DPP6: variants seen among roughly 807,000 people sequenced by gnomAD.
DPP6 encodes dipeptidyl peptidase like 6.
In DPP6, 69 loss-of-function variants were observed where a neutral mutation model predicts 122.6. The ratio of observed to expected loss-of-function variants is 0.56; its 90% confidence interval spans 0.46 to 0.69. The LOEUF is 0.69. DPP6 is among the 30% of genes least tolerant of loss of function. DPP6 has a pLI of 0.00. For synonymous variants in DPP6, 418 were observed against 433.1 expected (o/e 0.97, Z 0.43); for missense variants, 928 against 1,116.9 (o/e 0.83, Z 2.41).
chr7:154,805,063 CAA>C, intron 15 of DPP6, 99 bp downstream of exon 15: 1 of 1,464,592 alleles, frequency 6.8e-7, no homozygotes, highest in Non-Finnish European at 9.2e-7. Context: ...AGGGCGGCAG[CAA>C]AGACAGACCC....
chr7:154,027,724 T>C (rs1476172077), intron 1 of DPP6, among the ~76,000 whole-genome samples: 1 of 151,738 alleles, frequency 6.6e-6, no homozygotes, highest in African/African-American at 2.4e-5. Context: ...TCTTATTTGT[T>C]CTCCCTGCTT....
At chr7:154,065,449 C>T (rs150366969) in intron 1 of DPP6, among the ~76,000 whole-genome samples, 1 of 151,564 alleles carries the variant, frequency 6.6e-6, no homozygotes, top group Non-Finnish European at 1.5e-5. Context: ...GCATTCCCCC[C>T]AGTAAGAACA....
intron 2 of DPP6, among the ~76,000 whole-genome samples, chr7:154,451,155 G>C (rs1820332156): frequency 6.6e-6 from 1 of 152,014 alleles, no homozygotes; most frequent in Non-Finnish European, 1.5e-5. Flanking sequence ...GAGGTCAGGA[G>C]ATCGAGACCA....
At chr7:154,516,815 A>G (rs1175728601) in intron 3 of DPP6, among the ~76,000 whole-genome samples, 1 of 152,160 alleles carries the variant, frequency 6.6e-6, no homozygotes, top group Non-Finnish European at 1.5e-5. Context: ...GCCTCACTGA[A>G]AGGACTCAGG....
intron 16 of DPP6, among the ~76,000 whole-genome samples, chr7:154,808,491 T>A (rs894411452): frequency 6.6e-6 from 1 of 152,048 alleles, no homozygotes; most frequent in African/African-American, 2.4e-5. Flanking sequence ...CCACCAAGTA[T>A]CTGAAATCAT....
intron 7 of DPP6, among the ~76,000 whole-genome samples, chr7:154,674,180 A>C (rs967917959): frequency 1.3e-5 from 2 of 152,012 alleles, no homozygotes; most frequent in South Asian, 2.1e-4. Context: ...CCGGCCATCC[A>C]TGTTTCTTTT....
intron 16 of DPP6, among the ~76,000 whole-genome samples, chr7:154,812,390 T>C (rs1799121570): frequency 6.6e-6 from 1 of 152,244 alleles, no homozygotes; most frequent in Non-Finnish European, 1.5e-5. Context: ...TTTGGGCTGC[T>C]ATAGTGAAGT....
chr7:153,814,378 C>G, the DPP6 span, among the ~76,000 whole-genome samples: 4 of 88,362 alleles, frequency 4.5e-5, no homozygotes, highest in African/African-American at 2.7e-4. Context: ...AATTCCTCAA[C>G]ACATACACCC....
chr7:154,212,146 G>T (rs906305293), intron 1 of DPP6, among the ~76,000 whole-genome samples: 1 of 152,122 alleles, frequency 6.6e-6, no homozygotes, highest in African/African-American at 2.4e-5. Context: ...TCACTCCCAT[G>T]CCTGCCTCTT....
intron 4 of DPP6, among the ~76,000 whole-genome samples, chr7:154,552,208 C>T (rs905543762): frequency 6.6e-6 from 1 of 152,176 alleles, no homozygotes; most frequent in African/African-American, 2.4e-5. Context: ...TGCTTTCCAT[C>T]GTGATTGTTT....
At chr7:154,777,348 C>T (rs1204964824) in intron 10 of DPP6, among the ~76,000 whole-genome samples, 2 of 152,158 alleles carry the variant, frequency 1.3e-5, no homozygotes, top group Non-Finnish European at 2.9e-5. Flanking sequence ...TGGAGGCCCT[C>T]TTGGGAAACG....
At chr7:154,062,636 C>A (rs1312209614) in intron 1 of DPP6, among the ~76,000 whole-genome samples, 1 of 49,880 alleles carries the variant, frequency 2.0e-5, no homozygotes, top group Non-Finnish European at 3.5e-5. Context: ...CTCTTAGGAC[C>A]CCCATCGCAG....
In DPP6 at chr7:154,868,036, A is replaced by T; in HGVS notation, c.1756A>T (p.Ile586Leu). Residue 586 changes from isoleucine (I) to leucine (L), a missense_variant, in exon 18 of 26, where the codon ATA (isoleucine) becomes TTA (leucine). Ile to Leu is a conservative substitution (Grantham distance 5). Transcript: ENST00000377770. Reference sequence around the variant, plus strand: ...AACAAATGAACATGTCAAGAAGGCCATAAATGACCGACAGATGCCTAAAGT... The same window carrying T: ...AACAAATGAACATGTCAAGAAGGCCTTAAATGACCGACAGATGCCTAAAGT... ...LETNEHVKKA[I>L]NDRQMPKVEY... 8 of 1,609,134 alleles carry T rather than the reference A, an allele frequency of 5.0e-6. No homozygotes were observed. The highest frequency in any genetic ancestry group is 6.8e-6 in the Non-Finnish European group (8 of 1,177,884).
At chr7:154,095,885 G>A (rs1447838550) in intron 1 of DPP6, 2 of 138,970 alleles carry the variant, frequency 1.4e-5, no homozygotes, top group African/African-American at 5.4e-5. Context: ...TTACAAGGGA[G>A]GGTGTGGGTG....
intron 8 of DPP6, among the ~76,000 whole-genome samples, chr7:154,763,546 G>T (rs989947581): frequency 1.3e-5 from 2 of 152,126 alleles, no homozygotes; most frequent in South Asian, 4.1e-4. Context: ...CGAGGGTTTA[G>T]CTGTGGATTC....
chr7:153,905,198 G>C (rs1016490433), intron 1 of DPP6, among the ~76,000 whole-genome samples: 4 of 152,218 alleles, frequency 2.6e-5, no homozygotes, highest in Non-Finnish European at 5.9e-5. Flanking sequence ...TACACAGAAA[G>C]GTGGGGAAAG....
At chr7:154,661,075 T>G (rs1259663126) in intron 6 of DPP6, among the ~76,000 whole-genome samples, 3 of 11,538 alleles carry the variant, frequency 2.6e-4, no homozygotes, top group South Asian at 8.8e-3. Flanking sequence ...AGTGTTCATA[T>G]AGTCATGGTG....
intron 1 of DPP6, among the ~76,000 whole-genome samples, chr7:153,901,381 G>GTGTA (rs1253932447): frequency 1.3e-5 from 2 of 152,340 alleles, no homozygotes; most frequent in East Asian, 3.9e-4. Context: ...TGAAAAGTCA[G>GTGTA]TGTAGTGCAA....
Position 154,875,823 on chromosome 7 carries a change from G to A in DPP6, c.1884-83G>A, listed in dbSNP as rs943051114. ...CCGGGTCACGGGTAAAATCCCTTAC[G>A]GGGGTCATCTGACGTGGCAGCTGCT... On this transcript the variant is annotated intron_variant, in intron 19 of 25. Coordinates refer to ENST00000377770, the MANE Select transcript of DPP6 (RefSeq NM_130797.4). The surrounding 1 kb of genome is among the most constrained non-coding windows in gnomAD (Gnocchi z 4.5). The A allele has an allele frequency of 1.6e-5, 25 of 1,522,778 alleles. No homozygotes were observed. The African/African-American group carries it at 2.5e-4, about 15-fold the overall frequency. The allele number at this position is 1,522,778 out of a possible 1,614,324, so 94.3% of individuals were successfully genotyped here.
Sources: allele counts gnomAD v4.1 joint callset (sites outside exome capture counted in the v4.1 genomes callset), GRCh38; gene constraint gnomAD v4.1.1; non-coding constraint Gnocchi (gnomAD v3.1); transcripts MANE v1.5; gene names NCBI Gene and HGNC (gene_info 2026-07-23, HGNC 2026-07-21).